Variants in OCA2 observed in about 807,000 individuals in gnomAD.
OCA2 encodes the protein P protein.
In OCA2, 77 loss-of-function variants were observed where a neutral mutation model predicts 100.2. The ratio of observed to expected loss-of-function variants is 0.77; its 90% CI spans 0.64 to 0.93. OCA2 has a LOEUF of 0.93. Among genes scored for constraint, OCA2 ranks in the 40% least tolerant of loss-of-function variants. The pLI, the probability that OCA2 is intolerant of heterozygous loss-of-function variation, is 0.00. For missense variants in OCA2, 1,062 were observed against 1,089.1 expected, an observed-to-expected ratio of 0.98 and a Z score of 0.35; for synonymous variants, 432 against 439.2, an observed-to-expected ratio of 0.98 and a Z score of 0.21.
intron 19 of OCA2, among the ~76,000 whole-genome samples, chr15:27,912,986 G>T (rs1376331007): frequency 2.6e-5 from 4 of 152,128 alleles, no homozygotes; most frequent in Non-Finnish European, 5.9e-5. Context: ...ACTGTCATGA[G>T]AAAACATGAG....
At chr15:27,748,229 G>A in the OCA2 span, among the ~76,000 whole-genome samples, 1 of 152,152 alleles carries the variant, frequency 6.6e-6, no homozygotes, top group Non-Finnish European at 1.5e-5. Context: ...ACACACTGAG[G>A]CCAGGATGCA....
At chr15:27,754,377 T>A (rs758757411), downstream of OCA2, among the ~76,000 whole-genome samples, 4 of 152,182 alleles carry the variant, frequency 2.6e-5, no homozygotes, top group Non-Finnish European at 5.9e-5. Context: ...ACTTTTGAAG[T>A]CAGACGCTTG....
intron 19 of OCA2, among the ~76,000 whole-genome samples, chr15:27,892,255 G>A (rs907052466): frequency 1.3e-5 from 2 of 151,868 alleles, no homozygotes; most frequent in African/African-American, 4.8e-5. Flanking sequence ...CAAAACAGGA[G>A]AATACAGTTT....
At chr15:28,092,761 T>C (rs1009843517) in intron 1 of OCA2, among the ~76,000 whole-genome samples, 3 of 152,146 alleles carry the variant, frequency 2.0e-5, no homozygotes, top group Non-Finnish European at 4.4e-5. Flanking sequence ...CATGGTGATA[T>C]CAATTGATGC....
intron 21 of OCA2, among the ~76,000 whole-genome samples, chr15:27,864,426 A>C (rs1016452945): frequency 6.6e-6 from 1 of 152,198 alleles, no homozygotes; most frequent in Non-Finnish European, 1.5e-5. Flanking sequence ...AAATGAGATT[A>C]AGTTTTTTAA....
At chr15:27,908,270 A>G (rs1184775052) in intron 19 of OCA2, among the ~76,000 whole-genome samples, 1 of 152,200 alleles carries the variant, frequency 6.6e-6, no homozygotes, top group African/African-American at 2.4e-5. Context: ...GATCTAAGTG[A>G]AAAATAATAT....
intron 19 of OCA2, chr15:27,896,125 A>G: frequency 1.9e-6 from 2 of 1,041,888 alleles, no homozygotes; most frequent in Non-Finnish European, 3.0e-6. Context: ...TTTACCTGCT[A>G]TATGGATGCA....
chr15:28,041,166 T>A lies in OCA2; in HGVS notation c.228-9003A>T, dbSNP rs1004349002. 3.3e-5 allele frequency among the ~76,000 whole-genome samples: 5 copies of A among 151,962 alleles called. 1 individual carries two copies. The South Asian group carries it at 8.3e-4, about 25-fold the overall frequency. ...AGCATATTAAAAGTATTATACACCA[T>A]GATGAAGTAGGATTTATTCCTGGTA... On this transcript the variant is annotated intron_variant, in intron 2 of 23. Coordinates refer to ENST00000354638, the MANE Select transcript of OCA2 (RefSeq NM_000275.3).
At position 27,763,939 on chromosome 15, in the gene OCA2, C is replaced by T. The variant is rs2031046594; in HGVS notation, c.2433-8467G>A. On this transcript the variant is annotated intron_variant, in intron 23 of 23. Transcript: ENST00000354638. ...TCACCCCAGGCCAAGGCCAACACTG[C>T]CCAGTGTCCTCACTAAGAAACCCCT... is the stretch of plus-strand genomic sequence containing the variant. Among the ~76,000 whole-genome samples the T allele has an allele frequency of 1.3e-5, 2 of 152,090 alleles. 1 individual carries two copies. Among genetic ancestry groups the T allele is most frequent in the South Asian group, 4.1e-4 (2 of 4,826 alleles).
intron 14 of OCA2, among the ~76,000 whole-genome samples, chr15:27,967,674 C>A (rs2040619185): frequency 6.6e-6 from 1 of 152,252 alleles, no homozygotes; most frequent in African/African-American, 2.4e-5. Flanking sequence ...AGCATGGGGA[C>A]CAGCCGCAGG....
intron 23 of OCA2, among the ~76,000 whole-genome samples, chr15:27,761,498 A>G (rs1263724224): frequency 1.3e-5 from 2 of 151,700 alleles, no homozygotes; most frequent in East Asian, 1.9e-4. Flanking sequence ...AGATAAATGG[A>G]GAGATATAGA....
chr15:27,996,198 A>G (rs2041721667), intron 9 of OCA2, among the ~76,000 whole-genome samples: 1 of 152,168 alleles, frequency 6.6e-6, no homozygotes, highest in African/African-American at 2.4e-5. Flanking sequence ...ATGGAAACAC[A>G]ACATACCAAA....
rs560965252 is a variant in OCA2, at chr15:27,912,619, T to C, written c.2079+13508A>G. 3.3e-5 allele frequency among the ~76,000 whole-genome samples: 5 copies of C among 152,328 alleles called. No homozygotes were observed. In the East Asian group the frequency reaches 7.7e-4, roughly 23 times the overall value. ...AAAGGAGAAGGATAGCTCTTCCTTA[T>C]AGATAAGCTCCAGTTAATAAATGTA... On this transcript the variant is annotated intron_variant, in intron 19 of 23. Transcript: ENST00000354638.
At chr15:27,806,307 C>T (rs1006691363) in intron 23 of OCA2, among the ~76,000 whole-genome samples, 4 of 152,222 alleles carry the variant, frequency 2.6e-5, no homozygotes, top group African/African-American at 9.6e-5. Context: ...TTTAAGATTT[C>T]CAACTGTTAC....
At chr15:28,088,228 C>T (rs907976442) in intron 1 of OCA2, among the ~76,000 whole-genome samples, 5 of 152,186 alleles carry the variant, frequency 3.3e-5, no homozygotes, top group Admixed American at 6.5e-5. Context: ...TTTCCCTCTC[C>T]TCTTGATTTT....
intron 21 of OCA2, among the ~76,000 whole-genome samples, chr15:27,857,165 G>A (rs1015006515): frequency 2.0e-5 from 3 of 152,128 alleles, no homozygotes; most frequent in Admixed American, 2.0e-4. Context: ...TGTACAGACA[G>A]AATTTAAATA....
intron 9 of OCA2, among the ~76,000 whole-genome samples, chr15:27,997,657 G>A (rs1260128668): frequency 7.4e-6 from 1 of 134,550 alleles, no homozygotes; most frequent in African/African-American, 2.5e-5. Flanking sequence ...ACTTGGCGAT[G>A]CGGGCTCTTT....
intron 5 of OCA2, among the ~76,000 whole-genome samples, chr15:28,024,507 T>A (rs560569149): frequency 6.6e-6 from 1 of 152,140 alleles, no homozygotes; most frequent in African/African-American, 2.4e-5. Flanking sequence ...CCAACACACA[T>A]GAAGAGTGCT....
chr15:27,888,148 G>A (rs2037308580), intron 19 of OCA2, among the ~76,000 whole-genome samples: 1 of 152,178 alleles, frequency 6.6e-6, no homozygotes, highest in Admixed American at 6.5e-5. Flanking sequence ...AGACATCTGG[G>A]CAGCCCAGCC....
Sources: allele counts gnomAD v4.1 joint callset (sites outside exome capture counted in the v4.1 genomes callset), GRCh38; gene constraint gnomAD v4.1.1; transcripts MANE v1.5; gene names NCBI Gene and HGNC (gene_info 2026-07-23, HGNC 2026-07-21).